ARB2A: variants seen among roughly 807,000 people sequenced by gnomAD.
ARB2A encodes the protein cotranscriptional regulator ARB2A.
At chr5:93,892,554 A>C in the ARB2A span, among the ~76,000 whole-genome samples, 7 of 152,152 alleles carry the variant, frequency 4.6e-5, no homozygotes, top group African/African-American at 7.2e-5. Context: ...ATCTGTTCTT[A>C]ACATGCCAAT....
chr5:94,056,418 A>C, the ARB2A span, among the ~76,000 whole-genome samples: 1 of 152,236 alleles, frequency 6.6e-6, no homozygotes. Context: ...TTGTAAGAGA[A>C]AAGCAATAAT....
At chr5:93,964,582 T>C in the ARB2A span, 5 of 1,277,400 alleles carry the variant, frequency 3.9e-6, no homozygotes, top group African/African-American at 3.0e-5. Context: ...AAAACTGACA[T>C]AAATTTTGGT....
At chr5:93,847,754 T>C in the ARB2A span, among the ~76,000 whole-genome samples, 1 of 152,212 alleles carries the variant, frequency 6.6e-6, no homozygotes, top group Admixed American at 6.5e-5. Context: ...ATGGTTCCCA[T>C]TGTATGGATG....
the ARB2A span, among the ~76,000 whole-genome samples, chr5:93,729,031 CA>C: frequency 6.6e-6 from 1 of 152,080 alleles, no homozygotes; most frequent in Non-Finnish European, 1.5e-5. Context: ...TAACAAATTA[CA>C]GTCCAGATTT....
the ARB2A span, among the ~76,000 whole-genome samples, chr5:94,013,183 T>G: frequency 2.0e-5 from 3 of 149,922 alleles, no homozygotes; most frequent in African/African-American, 7.4e-5. Context: ...GTTTTTTTTT[T>G]TTTTTTTTTT....
the ARB2A span, among the ~76,000 whole-genome samples, chr5:93,878,930 C>A: frequency 6.6e-6 from 1 of 151,960 alleles, no homozygotes; most frequent in Non-Finnish European, 1.5e-5. Flanking sequence ...GCTTTGTGAT[C>A]CTAGACTAAC....
the ARB2A span, among the ~76,000 whole-genome samples, chr5:93,992,547 C>G: frequency 6.6e-6 from 1 of 152,112 alleles, no homozygotes; most frequent in African/African-American, 2.4e-5. Flanking sequence ...TAAAATCTTT[C>G]TTATGAGTAA....
chr5:93,950,303 T>C, the ARB2A span, among the ~76,000 whole-genome samples: 3 of 152,188 alleles, frequency 2.0e-5, no homozygotes, highest in Non-Finnish European at 2.9e-5. Context: ...CTGTTCTCCA[T>C]AGTCATTGTA....
the ARB2A span, among the ~76,000 whole-genome samples, chr5:93,672,046 G>A: frequency 6.6e-6 from 1 of 152,150 alleles, no homozygotes; most frequent in South Asian, 2.1e-4. Context: ...CCAAAGGTGG[G>A]TCTAAGTCGT....
the ARB2A span, among the ~76,000 whole-genome samples, chr5:93,896,828 G>A: frequency 1.3e-5 from 2 of 151,854 alleles, no homozygotes; most frequent in African/African-American, 4.8e-5. Context: ...CAACTACTGC[G>A]ACATATGCTC....
chr5:93,836,566 C>T, the ARB2A span, among the ~76,000 whole-genome samples: 1 of 152,014 alleles, frequency 6.6e-6, no homozygotes, highest in African/African-American at 2.4e-5. Context: ...ACATATTTTA[C>T]CTTGTCACAT....
the ARB2A span, among the ~76,000 whole-genome samples, chr5:93,710,379 T>C: frequency 6.6e-6 from 1 of 152,174 alleles, no homozygotes; most frequent in African/African-American, 2.4e-5. Flanking sequence ...CACCAATCAG[T>C]TGGGGTTTGA....
chr5:94,023,894 C>T, the ARB2A span, among the ~76,000 whole-genome samples: 1 of 152,098 alleles, frequency 6.6e-6, no homozygotes, highest in African/African-American at 2.4e-5. Context: ...CCATAGTGTG[C>T]TGAAATACAT....
At chr5:93,790,198 T>C in the ARB2A span, among the ~76,000 whole-genome samples, 3 of 152,156 alleles carry the variant, frequency 2.0e-5, no homozygotes, top group African/African-American at 4.8e-5. Flanking sequence ...CCGTAAGTCA[T>C]AGGATTATTT....
the ARB2A span, among the ~76,000 whole-genome samples, chr5:93,641,680 G>GA: frequency 6.6e-6 from 1 of 152,062 alleles, no homozygotes; most frequent in East Asian, 1.9e-4. Flanking sequence ...TCATTTACTA[G>GA]AAAAAATACT....
At chr5:94,007,531 G>A in the ARB2A span, among the ~76,000 whole-genome samples, 1 of 152,126 alleles carries the variant, frequency 6.6e-6, no homozygotes, top group Non-Finnish European at 1.5e-5. Context: ...CTAGCACTTT[G>A]GGAGGCCAAG....
chr5:93,704,616 T>C, the ARB2A span, among the ~76,000 whole-genome samples: 1 of 152,126 alleles, frequency 6.6e-6, no homozygotes, highest in African/African-American at 2.4e-5. Flanking sequence ...GAAAAACTAG[T>C]AACCCTGGCA....
At chr5:94,016,026 T>C in the ARB2A span, among the ~76,000 whole-genome samples, 1 of 152,158 alleles carries the variant, frequency 6.6e-6, no homozygotes, top group Non-Finnish European at 1.5e-5. Flanking sequence ...GACCCAATTA[T>C]ATACTGTCTA....
the ARB2A span, among the ~76,000 whole-genome samples, chr5:93,990,564 T>C: frequency 6.9e-6 from 1 of 145,398 alleles, no homozygotes; most frequent in Non-Finnish European, 1.5e-5. Flanking sequence ...ACCACTGCCA[T>C]TGAAGGAGGA....
Sources: gnomAD v4.1 joint callset for allele counts (sites outside exome capture counted in the v4.1 genomes callset) on GRCh38, gnomAD v4.1.1 for gene constraint, MANE v1.5 for transcripts, NCBI Gene and HGNC (gene_info 2026-07-23, HGNC 2026-07-21) for gene names.